RC3H2: variants seen among roughly 807,000 people sequenced by gnomAD.
RC3H2 encodes roquin-2.
Under a neutral mutation model 133.3 loss-of-function variants are expected in RC3H2, and 31 were observed. That is an observed-to-expected ratio of 0.23 (90% CI 0.17 to 0.31). The LOEUF (loss-of-function observed/expected upper bound fraction) is 0.31. Ranked by LOEUF, RC3H2 falls within the 10% of genes least tolerant of loss-of-function variation. The pLI, the probability that RC3H2 is intolerant of heterozygous loss-of-function variation, is 1.00. For synonymous variants in RC3H2, 517 were observed against 502.2 expected (o/e 1.03, Z -0.40); for missense variants, 1,175 against 1,437.2 (o/e 0.82, Z 2.95).
At chr9:122,860,551 C>T (rs1226008219) in intron 10 of RC3H2, among the ~76,000 whole-genome samples, 2 of 151,588 alleles carry the variant, frequency 1.3e-5, no homozygotes, top group African/African-American at 4.9e-5. Flanking sequence ...GCAGATGGGA[C>T]TACAAGTGCA....
intron 9 of RC3H2, among the ~76,000 whole-genome samples, chr9:122,868,856 TG>T (rs1830900014): frequency 7.8e-5 from 1 of 12,766 alleles, no homozygotes; most frequent in Non-Finnish European, 5.5e-4. Flanking sequence ...TGTGTGTGTG[TG>T]TGTGTGTGTG....
At chr9:122,865,239 T>G (rs1830594939) in intron 10 of RC3H2, 110 bp downstream of exon 10, 3 of 1,004,292 alleles carry the variant, frequency 3.0e-6, no homozygotes, top group African/African-American at 3.3e-5. Flanking sequence ...TCACAAAATA[T>G]TCTGCATAAA....
rs1214118132 is a variant in RC3H2, at chr9:122,880,123, T to C, written c.963A>G (p.Leu321=). Residue 321 remains leucine, a splice_region_variant and synonymous_variant, in exon 7 of 21, where the codon CTA becomes CTG. Transcript: ENST00000357244. Reference sequence around the variant, plus strand: ...TCTTTGCAAATGACTCTGGAGACTGTAGCTAACAAACAGAAATGAGAATGC... The same window carrying C: ...TCTTTGCAAATGACTCTGGAGACTGCAGCTAACAAACAGAAATGAGAATGC... ...KSHMQSIIDK[L]QSPESFAKSV... 3.7e-6 allele frequency: 6 copies of C among 1,613,976 alleles called. No homozygotes were observed. Among genetic ancestry groups the C allele is most frequent in the African/African-American group, 1.3e-5 (1 of 74,942 alleles).
rs1394711425 is a variant in RC3H2, at chr9:122,846,585, AC to A, written c.*3041del. On this transcript the variant is annotated 3_prime_UTR_variant, in exon 21 of 21. Transcript: ENST00000357244. ...CAGAATGGAACTTAGAAATTAAAAA[AC>A]AAAAACACAAAAAATGAAAGAAAAT... The A allele has an allele frequency of 1.3e-5, 2 of 152,218 alleles. No individual in the cohort carries two copies. The highest frequency in any genetic ancestry group is 4.8e-5 in the African/African-American group (2 of 41,460). 9.4% of individuals were successfully genotyped at this position (152,218 alleles called of 1,614,324 possible). A position where few individuals can be genotyped will look rare whatever the true frequency, so the allele number is the denominator to read the frequency against.
At chr9:122,868,105 C>A (rs1258679381) in intron 9 of RC3H2, among the ~76,000 whole-genome samples, 1 of 144,276 alleles carries the variant, frequency 6.9e-6, no homozygotes, top group African/African-American at 2.6e-5. Flanking sequence ...GCCACCCCGT[C>A]CAGGAGGGAG....
chr9:122,878,955 C>A (rs556488295), intron 8 of RC3H2, among the ~76,000 whole-genome samples: 1 of 149,936 alleles, frequency 6.7e-6, no homozygotes, highest in Admixed American at 6.6e-5. Context: ...TGGGGTTTCA[C>A]CATGTTGGCC....
At position 122,860,002 on chromosome 9, in the gene RC3H2, T is replaced by C. The variant is rs1830395981; in HGVS notation, c.1764A>G (p.Val588=). 1 of 1,614,034 alleles carries C rather than the reference T, an allele frequency of 6.2e-7. No individual in the cohort carries two copies. The highest frequency in any genetic ancestry group is 1.7e-5 in the Admixed American group (1 of 60,002). Residue 588 remains valine (V), a synonymous_variant, in exon 11 of 21, where the codon GTA becomes GTG. Coordinates refer to ENST00000357244, the MANE Select transcript of RC3H2 (RefSeq NM_001100588.3). Reference sequence around the variant, plus strand: ...GAATGTTTTCAGAATGCGGAGGATATACTGGTACTCTAGTTAGAAATGGGC... The same window carrying C: ...GAATGTTTTCAGAATGCGGAGGATACACTGGTACTCTAGTTAGAAATGGGC... The part of the protein sequence containing the change: ...KSSPFLTRVP[V]YPPHSENIQY...
Position 122,858,808 on chromosome 9 carries a change from T to C in RC3H2, c.2144A>G (p.Asn715Ser), listed in dbSNP as rs1830345606. Reference protein sequence around the residue: ...MYQRDDIIRSNSLPPMDVMHS... With the variant: ...MYQRDDIIRSSSLPPMDVMHS... ...CATCACATCCATTGGAGGTAAAGAATTGCTTCTAATAATGTCATCTCGTTG... is the reference window on the plus strand; with the variant it reads ...CATCACATCCATTGGAGGTAAAGAACTGCTTCTAATAATGTCATCTCGTTG... Residue 715 changes from asparagine (N) to serine (S), a missense_variant, in exon 12 of 21, where the codon AAT (asparagine) becomes AGT (serine). Transcript: ENST00000357244. 4 of 1,614,168 alleles carry C rather than the reference T, an allele frequency of 2.5e-6. No homozygotes were observed. The highest frequency in any genetic ancestry group is 1.3e-5 in the African/African-American group (1 of 74,962).
At chr9:122,874,215 G>C (rs1489241459) in intron 9 of RC3H2, 1 of 152,152 alleles carries the variant, frequency 6.6e-6, no homozygotes, top group Non-Finnish European at 1.5e-5. Context: ...GTGATTAATT[G>C]AATATACCTT....
At chr9:122,892,150 T>C (rs1286650141) in intron 3 of RC3H2, among the ~76,000 whole-genome samples, 1 of 151,994 alleles carries the variant, frequency 6.6e-6, no homozygotes, top group African/African-American at 2.4e-5. Flanking sequence ...CTCACTCCCA[T>C]TGCCCAGGTT....
intron 14 of RC3H2, 69 bp downstream of exon 14, chr9:122,855,663 C>A: frequency 6.6e-7 from 1 of 1,507,266 alleles, no homozygotes. Context: ...AGAAAACATT[C>A]ATTCTACAAC....
At chr9:122,893,725 A>G (rs1832294727) in intron 2 of RC3H2, among the ~76,000 whole-genome samples, 1 of 152,180 alleles carries the variant, frequency 6.6e-6, no homozygotes, top group Non-Finnish European at 1.5e-5. Flanking sequence ...TAAAGAGTGG[A>G]GAAAAAAAGA....
At chr9:122,859,547 A>G (rs903939945) in intron 11 of RC3H2, among the ~76,000 whole-genome samples, 1 of 152,204 alleles carries the variant, frequency 6.6e-6, no homozygotes, top group Admixed American at 6.5e-5. Context: ...TTAGTCAGTT[A>G]TATCATTGAT....
At chr9:122,862,954 T>C (rs1830514805) in intron 10 of RC3H2, among the ~76,000 whole-genome samples, 1 of 151,326 alleles carries the variant, frequency 6.6e-6, no homozygotes, top group African/African-American at 2.4e-5. Context: ...TGAGATACAG[T>C]TCATTATTTT....
chr9:122,886,783 G>T (rs1831933592), intron 4 of RC3H2, among the ~76,000 whole-genome samples: 1 of 152,164 alleles, frequency 6.6e-6, no homozygotes, highest in African/African-American at 2.4e-5. Context: ...AATACACTCA[G>T]GGTTTTTTCA....
rs547392137 is a variant in RC3H2, at chr9:122,878,739, T to C, written c.1212+1016A>G. 1.1e-4 allele frequency among the ~76,000 whole-genome samples: 16 copies of C among 151,712 alleles called. No individual in the cohort carries two copies. The East Asian group carries it at 3.2e-3, about 30-fold the overall frequency. Reference sequence around the variant, plus strand: ...GAAGTTATAAGTATAAAGGATTATATCTTAACTTCTTTTTATTTTATATTT... The same window carrying C: ...GAAGTTATAAGTATAAAGGATTATACCTTAACTTCTTTTTATTTTATATTT... On this transcript the variant is annotated intron_variant, in intron 8 of 20. Coordinates refer to ENST00000357244, the MANE Select transcript of RC3H2 (RefSeq NM_001100588.3).
chr9:122,904,674 C>G (rs2131520052), intron 1 of RC3H2, among the ~76,000 whole-genome samples: 1 of 152,312 alleles, frequency 6.6e-6, no homozygotes, highest in South Asian at 2.1e-4. Flanking sequence ...CTATTTACCA[C>G]TCAGATCGCC....
At chr9:122,853,876 A>G (rs1370409713) in intron 18 of RC3H2, 76 bp downstream of exon 18, 1 of 1,613,986 alleles carries the variant, frequency 6.2e-7, no homozygotes. Flanking sequence ...AAATGCACTC[A>G]GTAATGGTAT....
intron 9 of RC3H2, among the ~76,000 whole-genome samples, chr9:122,873,428 C>T (rs1186038257): frequency 1.3e-5 from 2 of 152,016 alleles, no homozygotes; most frequent in African/African-American, 4.8e-5. Context: ...GATGAAGAAC[C>T]CTTGCCAGGT....
Sources: gnomAD v4.1 joint callset for allele counts (sites outside exome capture counted in the v4.1 genomes callset) on GRCh38, gnomAD v4.1.1 for gene constraint, MANE v1.5 for transcripts, NCBI Gene and HGNC (gene_info 2026-07-23, HGNC 2026-07-21) for gene names.